Variants in LMAN2 observed in about 807,000 individuals in gnomAD.
LMAN2 encodes the protein vesicular integral-membrane protein VIP36.
Under a neutral mutation model 39.3 loss-of-function variants are expected in LMAN2, and 22 were observed. That is an observed-to-expected ratio of 0.56 (90% CI 0.40 to 0.80). The LOEUF is 0.80. Among genes scored for constraint, LMAN2 ranks in the 30% least tolerant of loss-of-function variants. The pLI, the probability that LMAN2 is intolerant of heterozygous loss-of-function variation, is 0.00. For synonymous variants in LMAN2, 207 were observed against 207.8 expected (o/e 1.00, Z 0.03); for missense variants, 494 against 505.4 (o/e 0.98, Z 0.22).
intron 2 of LMAN2, among the ~76,000 whole-genome samples, chr5:177,342,656 G>A (rs1053092844): frequency 2.6e-5 from 4 of 151,740 alleles, no homozygotes; most frequent in South Asian, 2.1e-4. Flanking sequence ...ACTGCACTCC[G>A]GCCTAGGCAA....
At chr5:177,342,627 A>C (rs1229201013) in intron 2 of LMAN2, among the ~76,000 whole-genome samples, 1 of 152,176 alleles carries the variant, frequency 6.6e-6, no homozygotes, top group Admixed American at 6.5e-5. Flanking sequence ...TCAAGGCTGC[A>C]GTGAGCCGTG....
At chr5:177,333,003 G>A (rs746120341) in intron 7 of LMAN2, among the ~76,000 whole-genome samples, 2 of 152,180 alleles carry the variant, frequency 1.3e-5, no homozygotes, top group South Asian at 2.1e-4. Flanking sequence ...TTTCAGCGAC[G>A]TGCATGCCAC....
At chr5:177,343,121 G>A (rs1447579767) in intron 2 of LMAN2, among the ~76,000 whole-genome samples, 1 of 151,990 alleles carries the variant, frequency 6.6e-6, no homozygotes, top group Non-Finnish European at 1.5e-5. Context: ...TGGGCATGGT[G>A]GCAGGCACCT....
At chr5:177,336,833 C>T (rs901023266) in intron 6 of LMAN2, 25 of 475,990 alleles carry the variant, frequency 5.3e-5, no homozygotes, top group Middle Eastern at 1.2e-3. Flanking sequence ...GCCTGAGGCC[C>T]GGACAGGCCA....
intron 2 of LMAN2, among the ~76,000 whole-genome samples, chr5:177,343,944 TCACGCCTGTAATCCCAG>T (rs1761595600): frequency 6.6e-6 from 1 of 152,012 alleles, no homozygotes; most frequent in Non-Finnish European, 1.5e-5. Context: ...GCGCAGTAGC[TCACGCCTGTAATCCCAG>T]CACTTTGGGA....
At chr5:177,334,654 C>A in intron 6 of LMAN2, 1 of 414,902 alleles carries the variant, frequency 2.4e-6, no homozygotes, top group African/African-American at 2.0e-5. Context: ...GGTCTAAATC[C>A]TGGGGTCTGC....
intron 2 of LMAN2, among the ~76,000 whole-genome samples, chr5:177,341,399 C>G (rs755496770): frequency 6.6e-6 from 1 of 152,032 alleles, no homozygotes; most frequent in Non-Finnish European, 1.5e-5. Context: ...GAAAAAGGAA[C>G]CAGAGGGAAA....
chr5:177,338,260 G>A (rs1359820364), intron 3 of LMAN2, among the ~76,000 whole-genome samples: 1 of 152,206 alleles, frequency 6.6e-6, no homozygotes, highest in Non-Finnish European at 1.5e-5. Context: ...AGGGTGTAGG[G>A]TTGAGCTGCA....
chr5:177,338,396 G>C (rs1371838019), intron 3 of LMAN2, 92 bp downstream of exon 3: 2 of 994,034 alleles, frequency 2.0e-6, no homozygotes, highest in Non-Finnish European at 1.6e-6. Flanking sequence ...GTCCCCACGA[G>C]CCACAGGCAG....
intron 2 of LMAN2, among the ~76,000 whole-genome samples, chr5:177,348,310 T>C (rs183034146): frequency 1.3e-5 from 2 of 152,304 alleles, no homozygotes; most frequent in East Asian, 3.9e-4. Flanking sequence ...TATGGTAGGC[T>C]AATGAATAAC....
In LMAN2 at chr5:177,331,866, G is replaced by T; in HGVS notation, c.*220C>A. The stretch of plus-strand genomic sequence containing the variant: ...CCCTGCTCCTGAGACACCAGCCCCA[G>T]GAGAGCCTCCGTCTCCAGCTGTGGG... On this transcript the variant is annotated 3_prime_UTR_variant, in exon 8 of 8. Transcript: ENST00000303127. The T allele has an allele frequency of 1.9e-6, 1 of 521,262 alleles. No homozygotes were observed. The highest frequency in any genetic ancestry group is 3.4e-6 in the Non-Finnish European group (1 of 297,080). The allele number at this position is 521,262 out of a possible 1,614,324, so 32.3% of individuals were successfully genotyped here. A position where few individuals can be genotyped will look rare whatever the true frequency, so the allele number is the denominator to read the frequency against.
In LMAN2 at chr5:177,337,922, G is replaced by A. The variant is rs992453446; in HGVS notation, c.434-137C>T. The A allele has an allele frequency of 2.0e-5, 14 of 713,748 alleles. No homozygotes were observed. Among genetic ancestry groups the A allele is most frequent in the Admixed American group, 9.9e-5 (4 of 40,576 alleles). The allele number at this position is 713,748 out of a possible 1,614,324, so 44.2% of individuals were successfully genotyped here. A position where few individuals can be genotyped will look rare whatever the true frequency, so the allele number is the denominator to read the frequency against. On this transcript the variant is annotated intron_variant, in intron 3 of 7. Transcript: ENST00000303127. The surrounding 1 kb of genome is among the most constrained non-coding windows in gnomAD (Gnocchi z 8.2). Reference sequence around the variant, plus strand: ...GCCATTCACCGAGAGAGAAGGGATCGTGAAAGGAGAAAGCTGAGGCTTTCT... The same window carrying A: ...GCCATTCACCGAGAGAGAAGGGATCATGAAAGGAGAAAGCTGAGGCTTTCT...
intron 2 of LMAN2, chr5:177,346,166 C>A: frequency 6.2e-6 from 1 of 162,068 alleles, no homozygotes. Context: ...ATAGAATCCC[C>A]AGAAAAGGTG....
intron 6 of LMAN2, among the ~76,000 whole-genome samples, chr5:177,335,032 TG>T (rs1324196035): frequency 7.9e-5 from 12 of 152,188 alleles, no homozygotes; most frequent in Admixed American, 7.9e-4. Flanking sequence ...TTGACGCTGA[TG>T]GATCACCCAA....
At chr5:177,333,856 C>A (rs1452899973) in intron 7 of LMAN2, among the ~76,000 whole-genome samples, 1 of 152,126 alleles carries the variant, frequency 6.6e-6, no homozygotes, top group Non-Finnish European at 1.5e-5. Flanking sequence ...AGCAGCACGA[C>A]TTCTTCCAGG....
intron 6 of LMAN2, among the ~76,000 whole-genome samples, chr5:177,335,943 G>A (rs1033303226): frequency 2.6e-5 from 4 of 152,260 alleles, no homozygotes; most frequent in East Asian, 1.9e-4. Flanking sequence ...GGGCCACCAC[G>A]GCCTGGTGAC....
intron 2 of LMAN2, among the ~76,000 whole-genome samples, chr5:177,349,766 C>A (rs1000214982): frequency 7.9e-5 from 12 of 152,294 alleles, no homozygotes; most frequent in African/African-American, 2.9e-4. Context: ...ATTATCATTT[C>A]TTTAAAATAT....
Position 177,337,798 on chromosome 5 carries a change from G to T in LMAN2, c.434-13C>A, listed in dbSNP as rs547485659. 2 of 1,612,612 alleles carry T rather than the reference G, an allele frequency of 1.2e-6. No homozygotes were observed. Among genetic ancestry groups the T allele is most frequent in the African/African-American group, 2.7e-5 (2 of 74,986 alleles). ...CCAAACACAGGCCCTAGAATTATAAGCAGATGCTCTCAGAATGGGAGAAAC... is the reference window on the plus strand; with the variant it reads ...CCAAACACAGGCCCTAGAATTATAATCAGATGCTCTCAGAATGGGAGAAAC... On this transcript the variant is annotated splice_polypyrimidine_tract_variant and intron_variant, in intron 3 of 7. Transcript: ENST00000303127. The surrounding 1 kb of genome is among the most constrained non-coding windows in gnomAD (Gnocchi z 8.2).
intron 6 of LMAN2, among the ~76,000 whole-genome samples, chr5:177,335,846 C>T (rs981697955): frequency 1.3e-5 from 2 of 152,176 alleles, no homozygotes; most frequent in Admixed American, 6.5e-5. Context: ...TCAGGTCCCC[C>T]GTGTCACGTG....
Sources: gnomAD v4.1 joint callset for allele counts (sites outside exome capture counted in the v4.1 genomes callset) on GRCh38, gnomAD v4.1.1 for gene constraint, Gnocchi (gnomAD v3.1) non-coding constraint, MANE v1.5 for transcripts, NCBI Gene and HGNC (gene_info 2026-07-23, HGNC 2026-07-21) for gene names.